Variants in GPATCH8 observed in about 807,000 individuals in gnomAD.
The protein encoded by GPATCH8 is G-patch domain containing 8, also known as G patch domain-containing protein 8.
Under a neutral mutation model 118.3 loss-of-function variants are expected in GPATCH8, and 18 were observed. The observed-to-expected ratio is 0.15, with a 90% CI of 0.11 to 0.23. The LOEUF is 0.23. Ranked by LOEUF, GPATCH8 falls within the 10% of genes least tolerant of loss-of-function variation. GPATCH8 has a pLI of 1.00. For synonymous variants in GPATCH8, 659 were observed against 684.7 expected (o/e 0.96, Z 0.59); for missense variants, 1,631 against 1,873.8 (o/e 0.87, Z 2.39).
intron 6 of GPATCH8, among the ~76,000 whole-genome samples, chr17:44,409,588 C>T (rs1030610714): frequency 2.6e-5 from 4 of 152,182 alleles, no homozygotes; most frequent in African/African-American, 7.2e-5. Context: ...TTTAAAAAGG[C>T]AGTATGTGTA....
At chr17:44,483,641 C>CAGAAA (rs1968523371) in intron 1 of GPATCH8, among the ~76,000 whole-genome samples, 1 of 150,990 alleles carries the variant, frequency 6.6e-6, no homozygotes, top group African/African-American at 2.4e-5. Flanking sequence ...CAGAAATTTA[C>CAGAAA]TTTATTTTTT....
At position 44,397,883 on chromosome 17, in the gene GPATCH8, ATGGGGG is replaced by A; in HGVS notation, c.4188_4193del (p.His1398_Pro1399del). On this transcript the variant is annotated inframe_deletion, in exon 8 of 8. Transcript: ENST00000591680. ...GATGCACCTGGGCAAGTGGTTGGGG[ATGGGGG>A]TGAGGGTGAATGCCGATGGCGGCAG... is the stretch of plus-strand genomic sequence containing the variant. 6.2e-7 allele frequency: 1 copy of A among 1,607,780 alleles called. No homozygotes were observed. Among genetic ancestry groups the A allele is most frequent in the Non-Finnish European group, 8.5e-7 (1 of 1,175,066 alleles).
intron 4 of GPATCH8, among the ~76,000 whole-genome samples, chr17:44,435,669 G>A (rs1432899631): frequency 1.4e-5 from 2 of 146,672 alleles, no homozygotes; most frequent in Non-Finnish European, 3.0e-5. Context: ...TGCTTGTCTC[G>A]GCCTCCCACA....
rs774862430 is a variant in GPATCH8, at chr17:44,399,504, C to T, written c.2573G>A (p.Arg858Gln). Residue 858 changes from arginine to glutamine, a missense_variant, in exon 8 of 8, where the codon CGG becomes CAG. Arg to Gln is a conservative substitution (Grantham distance 43, BLOSUM62 1). Transcript: ENST00000591680. ...EHSRSRSRSG[R>Q]RHSSHRSSRR... Reference sequence around the variant, plus strand: ...GGAGGAACGATGCGAGGAATGGCGCCGGCCAGACCTTGAGCGGCTGCGGGA... The same window carrying T: ...GGAGGAACGATGCGAGGAATGGCGCTGGCCAGACCTTGAGCGGCTGCGGGA... 4.1e-5 allele frequency: 66 copies of T among 1,614,060 alleles called. No homozygotes were observed. Among genetic ancestry groups the T allele is most frequent in the African/African-American group, 5.3e-5 (4 of 74,934 alleles).
intron 1 of GPATCH8, among the ~76,000 whole-genome samples, chr17:44,481,237 G>GC (rs2144410138): frequency 6.6e-6 from 1 of 152,272 alleles, no homozygotes; most frequent in Non-Finnish European, 1.5e-5. Flanking sequence ...ATAGATTACT[G>GC]ATGGGAACAT....
intron 6 of GPATCH8, among the ~76,000 whole-genome samples, chr17:44,418,915 G>T (rs573773956): frequency 2.0e-4 from 30 of 152,346 alleles, no homozygotes; most frequent in African/African-American, 6.7e-4. Flanking sequence ...ACTGAAAAGA[G>T]CCAAAATACT....
chr17:44,417,857 T>C (rs1182421371), intron 6 of GPATCH8, among the ~76,000 whole-genome samples: 1 of 152,196 alleles, frequency 6.6e-6, no homozygotes, highest in Non-Finnish European at 1.5e-5. Flanking sequence ...AACTGTTATG[T>C]TGAAATGTAG....
In GPATCH8 at chr17:44,398,786, G is replaced by C. The variant is rs1385016074; in HGVS notation, c.3291C>G (p.Ile1097Met). Residue 1097 changes from isoleucine to methionine, a missense_variant, in exon 8 of 8, where the codon ATC (isoleucine) becomes ATG (methionine). By Grantham distance (10) the Ile-to-Met change is conservative (BLOSUM62 1). Coordinates refer to ENST00000591680, the MANE Select transcript of GPATCH8 (RefSeq NM_001002909.4). ...SVTAKLLLEK[I>M]QSRKVERKPS... is the part of the protein sequence containing the mutation. ...GTTTCCTCTCCACTTTCCTTGACTG[G>C]ATCTTCTCCAGTAGCAGTTTGGCAG... The C allele has an allele frequency of 1.9e-6, 3 of 1,613,694 alleles. No individual in the cohort carries two copies. Among genetic ancestry groups the C allele is most frequent in the Non-Finnish European group, 1.7e-6 (2 of 1,179,672 alleles).
In GPATCH8 at chr17:44,446,847, T is replaced by C. The variant is rs571645910; in HGVS notation, c.194-10302A>G. The stretch of plus-strand genomic sequence containing the variant: ...CTCCTCCATTTCATCTATTTTTTTT[T>C]CCTTAAAGACTGAGTCTCACTCTGT... On this transcript the variant is annotated intron_variant, in intron 3 of 7. Coordinates refer to ENST00000591680, the MANE Select transcript of GPATCH8 (RefSeq NM_001002909.4). 1.4e-3 allele frequency among the ~76,000 whole-genome samples: 213 copies of C among 151,900 alleles called. 4 individuals carry two copies. The highest frequency in any genetic ancestry group is 3.1e-4 in the Non-Finnish European group (21 of 68,000).
chr17:44,418,044 G>T (rs138754973), intron 6 of GPATCH8, among the ~76,000 whole-genome samples: 9 of 152,166 alleles, frequency 5.9e-5, no homozygotes, highest in Non-Finnish European at 1.0e-4. Flanking sequence ...TTATGTACTA[G>T]GAGGACCTTT....
rs1240976410 is a variant in GPATCH8 at position 44,398,452 on chromosome 17, C to T, written c.3625G>A (p.Glu1209Lys). The T allele has an allele frequency of 5.0e-6, 8 of 1,612,596 alleles. No homozygotes were observed. Among genetic ancestry groups the T allele is most frequent in the Non-Finnish European group, 5.9e-6 (7 of 1,179,216 alleles). The change falls in exon 8 of 8, where the codon GAG (glutamate) becomes AAG (lysine). Residue 1209 changes from glutamate to lysine, a missense_variant. This residue lies in a region of GPATCH8 where 922 missense variants were observed against 879.7 expected (regional missense o/e 1.05). Transcript: ENST00000591680. ...TGPLLDPPPE[E>K]SKSGEATADH... ...GCAGTAGCTTCTCCAGACTTTGACT[C>T]TTCTGGGGGTGGGTCTAATAAGGGG...
chr17:44,416,326 T>C (rs2049683310), intron 6 of GPATCH8, among the ~76,000 whole-genome samples: 1 of 152,128 alleles, frequency 6.6e-6, no homozygotes, highest in African/African-American at 2.4e-5. Context: ...CAGATTTTTT[T>C]TTAAGGTTAG....
intron 1 of GPATCH8, among the ~76,000 whole-genome samples, chr17:44,475,310 G>A (rs1415031406): frequency 5.3e-5 from 8 of 151,474 alleles, no homozygotes; most frequent in African/African-American, 1.5e-4. Context: ...AACCCGGGAG[G>A]TGGGGGTTGC....
intron 2 of GPATCH8, among the ~76,000 whole-genome samples, chr17:44,468,542 C>A (rs560129177): frequency 6.6e-6 from 1 of 151,748 alleles, no homozygotes. Context: ...TGTGAGCCAC[C>A]ATGCCCAGCC....
chr17:44,447,656 T>C (rs570551873), intron 3 of GPATCH8, among the ~76,000 whole-genome samples: 1 of 151,078 alleles, frequency 6.6e-6, no homozygotes, highest in Non-Finnish European at 1.5e-5. Context: ...TCTAGCTCTA[T>C]GGCTCAGGCT....
chr17:44,440,014 C>T (rs534315336), intron 3 of GPATCH8, among the ~76,000 whole-genome samples: 2 of 152,250 alleles, frequency 1.3e-5, no homozygotes, highest in Admixed American at 1.3e-4. Flanking sequence ...AACTCCCGAC[C>T]TCAGGTGATC....
intron 3 of GPATCH8, among the ~76,000 whole-genome samples, chr17:44,443,656 AATTTG>A (rs2144108542): frequency 6.6e-6 from 1 of 152,174 alleles, no homozygotes; most frequent in South Asian, 2.1e-4. Flanking sequence ...CAACCAAATT[AATTTG>A]ATTTTTTTCT....
At chr17:44,424,585 A>G (rs1445506546) in intron 5 of GPATCH8, 93 bp from the exon 6 acceptor site, 2 of 925,176 alleles carry the variant, frequency 2.2e-6, no homozygotes, top group Non-Finnish European at 3.5e-6. Context: ...TGAGAAGACA[A>G]AAAAGGGCTT....
At chr17:44,492,894 T>C (rs114671308) in intron 1 of GPATCH8, among the ~76,000 whole-genome samples, 1,851 of 152,284 alleles carry the variant, frequency 0.012, 33 homozygotes, top group African/African-American at 0.037. Flanking sequence ...CTTATCCTTT[T>C]ATGATGCCAC....
Sources: allele counts gnomAD v4.1 joint callset (sites outside exome capture counted in the v4.1 genomes callset), GRCh38; gene constraint gnomAD v4.1.1; regional missense constraint gnomAD v4.1.1; transcripts MANE v1.5; gene names NCBI Gene and HGNC (gene_info 2026-07-23, HGNC 2026-07-21).